Variants in SLC9A3 observed in about 807,000 individuals in gnomAD.
The protein encoded by SLC9A3 is solute carrier family 9 member A3.
A neutral mutation model predicts 86.8 loss-of-function variants in SLC9A3; 37 were observed. The ratio of observed to expected loss-of-function variants is 0.43; its 90% CI spans 0.33 to 0.56. The LOEUF is 0.56. SLC9A3 is among the 20% of genes least tolerant of loss of function. The pLI is 0.06. For synonymous variants in SLC9A3, 581 were observed against 528.3 expected (o/e 1.10, Z -1.37); for missense variants, 1,011 against 1,171.9 (o/e 0.86, Z 2.00).
intron 10 of SLC9A3, 116 bp downstream of exon 10, chr5:479,720 G>A: frequency 9.4e-7 from 1 of 1,060,082 alleles, no homozygotes; most frequent in Non-Finnish European, 1.4e-6. Context: ...AACTGCTGGG[G>A]TGGGCCTGGC....
chr5:497,625 A>G lies in SLC9A3; in HGVS notation c.212-5554T>C, dbSNP rs564405343. Among the ~76,000 whole-genome samples the G allele has an allele frequency of 6.6e-6, 1 of 152,278 alleles. No homozygotes were observed. Among genetic ancestry groups the G allele is most frequent in the South Asian group, 2.1e-4 (1 of 4,832 alleles). ...ATTCTTTGGTTATTCCTCCACTTCA[A>G]AGAAGCTTCCTGAAGCTTCCAGATC... is the stretch of plus-strand genomic sequence containing the variant. On this transcript the variant is annotated intron_variant, in intron 1 of 16. Coordinates refer to ENST00000264938, the MANE Select transcript of SLC9A3 (RefSeq NM_004174.4). The surrounding 1 kb of genome is among the most constrained non-coding windows in gnomAD (Gnocchi z 5.4).
chr5:523,604 T>TAA (rs1280162903), intron 1 of SLC9A3, among the ~76,000 whole-genome samples: 38 of 108,230 alleles, frequency 3.5e-4, no homozygotes, highest in African/African-American at 7.9e-4. Context: ...CGGGATTTTC[T>TAA]AAAAAAAAAA....
rs776738920 is a variant in SLC9A3, at chr5:476,550, C to T, written c.1883G>A (p.Arg628Gln). The part of the protein sequence containing the change: ...HTLQQYLYKP[R>Q]QEYKHLYSRH... ...CCAGCCCGCAGTGCCCACCTCCTGC[C>T]GCGGCTTGTACAGGTACTGCTGTAG... Residue 628 changes from arginine to glutamine, a missense_variant, in exon 12 of 17, where the codon CGG (arginine) becomes CAG (glutamine). By Grantham distance (43) the Arg-to-Gln change is conservative. Coordinates refer to ENST00000264938, the MANE Select transcript of SLC9A3 (RefSeq NM_004174.4). 14 of 1,610,928 alleles carry T rather than the reference C, an allele frequency of 8.7e-6. No individual in the cohort carries two copies. The highest frequency in any genetic ancestry group is 2.2e-5 in the East Asian group (1 of 44,886).
At chr5:475,251 G>A (rs1042425285) in intron 15 of SLC9A3, 119 bp from the exon 16 acceptor site, 26 of 1,043,712 alleles carry the variant, frequency 2.5e-5, no homozygotes, top group Non-Finnish European at 3.3e-5. Flanking sequence ...GGAAGGTTAG[G>A]GTCACGTGCC....
intron 1 of SLC9A3, among the ~76,000 whole-genome samples, chr5:518,203 C>T (rs539208099): frequency 4.6e-5 from 7 of 152,174 alleles, no homozygotes; most frequent in Admixed American, 2.6e-4. Context: ...AGGAAGGCTC[C>T]GAGCTCAGGA....
At position 476,093 on chromosome 5, in the gene SLC9A3, C is replaced by T. The variant is rs1413457744; in HGVS notation, c.2068-1G>A. On this transcript the variant is annotated splice_acceptor_variant, in intron 13 of 16. Transcript: ENST00000264938. LOFTEE classifies it high-confidence loss of function. ...TCCCATTGGGGATGCTGCTGTTTCT[C>T]TGCGGAGCAAACGTGAAGCTGCTCA... 1 of 1,613,282 alleles carries T rather than the reference C, an allele frequency of 6.2e-7. No homozygotes were observed. Among genetic ancestry groups the T allele is most frequent in the African/African-American group, 1.3e-5 (1 of 74,928 alleles).
chr5:481,694 C>A, intron 8 of SLC9A3, 59 bp from the exon 9 acceptor site: 1 of 1,392,330 alleles, frequency 7.2e-7, no homozygotes, highest in Non-Finnish European at 1.0e-6. Flanking sequence ...ACATGAGGTG[C>A]CCCTCCACTC....
At chr5:488,641 C>G (rs1418643550) in intron 2 of SLC9A3, among the ~76,000 whole-genome samples, 165 bp from the exon 3 acceptor site, 3 of 152,260 alleles carry the variant, frequency 2.0e-5, no homozygotes, top group South Asian at 2.1e-4. Context: ...AGACCCCCAG[C>G]CCCCTCCAGG....
chr5:480,057 GT>G (rs1739063528), intron 9 of SLC9A3, 92 bp from the exon 10 acceptor site: 1 of 1,432,184 alleles, frequency 7.0e-7, no homozygotes, highest in Non-Finnish European at 9.6e-7. Context: ...CCTGAATTTT[GT>G]TTGCTATAGT....
At chr5:494,840 C>A (rs571114262) in intron 1 of SLC9A3, among the ~76,000 whole-genome samples, 1 of 152,310 alleles carries the variant, frequency 6.6e-6, no homozygotes, top group African/African-American at 2.4e-5. Context: ...CAGCCGCTGG[C>A]AAGACCCACC....
rs535136834 is a variant in SLC9A3 at position 492,101 on chromosome 5, G to A, written c.212-30C>T. The A allele has an allele frequency of 7.2e-5, 100 of 1,390,530 alleles. 1 individual carries two copies. The South Asian group carries it at 8.6e-4, about 12-fold the overall frequency. 86.1% of individuals were successfully genotyped at this position (1,390,530 alleles called of 1,614,324 possible). A position where few individuals can be genotyped will look rare whatever the true frequency, so the allele number is the denominator to read the frequency against. ...GGGGGAAGGGAGGGAGGTCAGGGCC[G>A]GGCTGTGAGGGAGGGGAGGGAGGTC... On this transcript the variant is annotated intron_variant, in intron 1 of 16. Transcript: ENST00000264938.
rs1013114011 is a variant in SLC9A3 at position 471,780 on chromosome 5, T to C, written c.*1599A>G. ...GACTGCAGTTAGGGTCGAGAGCTTC[T>C]CCGAAGCAGCGGTCATGCAGGCTTT... On this transcript the variant is annotated 3_prime_UTR_variant, in exon 17 of 17. Coordinates refer to ENST00000264938, the MANE Select transcript of SLC9A3 (RefSeq NM_004174.4). The C allele has an allele frequency of 6.6e-6, 3 of 456,388 alleles. No homozygotes were observed. The highest frequency in any genetic ancestry group is 1.3e-5 in the Non-Finnish European group (3 of 226,936). The allele number at this position is 456,388 out of a possible 1,614,324, so 28.3% of individuals were successfully genotyped here. A position where few individuals can be genotyped will look rare whatever the true frequency, so the allele number is the denominator to read the frequency against.
At chr5:495,122 C>T (rs1490081145) in intron 1 of SLC9A3, among the ~76,000 whole-genome samples, 1 of 151,248 alleles carries the variant, frequency 6.6e-6, no homozygotes, top group African/African-American at 2.4e-5. Flanking sequence ...GCAGGTCAGA[C>T]CTGGGAAGCA....
Position 488,304 on chromosome 5 carries a change from TCCGTTGCTCACCACGGTGACTGCG to T in SLC9A3, c.663_675+11del. 1 of 1,612,030 alleles carries T rather than the reference TCCGTTGCTCACCACGGTGACTGCG, an allele frequency of 6.2e-7. No individual in the cohort carries two copies. Among genetic ancestry groups the T allele is most frequent in the Non-Finnish European group, 8.5e-7 (1 of 1,179,522 alleles). On this transcript the variant is annotated splice_donor_variant and splice_donor_5th_base_variant and coding_sequence_variant and intron_variant, in exon 3 of 17. Transcript: ENST00000264938. LOFTEE classifies it high-confidence loss of function. ...GGCTCGCCCGCTCTGGAGCGGTGGCTCCGTTGCTCACCACGGTGACTGCGTCGTTCAGCAGCGACTCCCCGAAGA... is the reference window on the plus strand; with the variant it reads ...GGCTCGCCCGCTCTGGAGCGGTGGCTTCGTTCAGCAGCGACTCCCCGAAGA...
chr5:477,011 A>T, intron 11 of SLC9A3: 1 of 507,722 alleles, frequency 2.0e-6, no homozygotes, highest in Non-Finnish European at 3.6e-6. Context: ...ACTGGCTGTG[A>T]GCTGTGGAGC....
chr5:515,345 A>G (rs1733698598), intron 1 of SLC9A3, among the ~76,000 whole-genome samples: 1 of 151,428 alleles, frequency 6.6e-6, no homozygotes, highest in South Asian at 2.1e-4. Flanking sequence ...TGGACGGTGC[A>G]CACACGGGAA....
chr5:503,035 C>T (rs542703834), intron 1 of SLC9A3, among the ~76,000 whole-genome samples: 2 of 152,244 alleles, frequency 1.3e-5, no homozygotes, highest in South Asian at 2.1e-4. Context: ...AACCAGTGGC[C>T]GGCCCACGGG....
chr5:473,329 G>T lies in SLC9A3; in HGVS notation c.*50C>A. 1 of 1,406,410 alleles carries T rather than the reference G, an allele frequency of 7.1e-7. No individual in the cohort carries two copies. Among genetic ancestry groups the T allele is most frequent in the Admixed American group, 2.8e-5 (1 of 35,976 alleles). 87.1% of individuals were successfully genotyped at this position (1,406,410 alleles called of 1,614,324 possible). A position where few individuals can be genotyped will look rare whatever the true frequency, so the allele number is the denominator to read the frequency against. Reference sequence around the variant, plus strand: ...GGGACAGCGGCGGCGGCGGTGGGCGGACCGTGGCGCGGGGACGAGCGGCCG... The same window carrying T: ...GGGACAGCGGCGGCGGCGGTGGGCGTACCGTGGCGCGGGGACGAGCGGCCG... On this transcript the variant is annotated 3_prime_UTR_variant, in exon 17 of 17. Coordinates refer to ENST00000264938, the MANE Select transcript of SLC9A3 (RefSeq NM_004174.4).
intron 1 of SLC9A3, among the ~76,000 whole-genome samples, chr5:492,599 G>C (rs1318190006): frequency 1.3e-5 from 2 of 152,066 alleles, no homozygotes; most frequent in African/African-American, 4.8e-5. Flanking sequence ...CCAGAAGGGA[G>C]TCAGTTGGAG....
Sources: allele counts gnomAD v4.1 joint callset (sites outside exome capture counted in the v4.1 genomes callset), GRCh38; gene constraint gnomAD v4.1.1; non-coding constraint Gnocchi (gnomAD v3.1); transcripts MANE v1.5; gene names NCBI Gene and HGNC (gene_info 2026-07-23, HGNC 2026-07-21).